AKR1C1: variants seen among roughly 807,000 people sequenced by gnomAD.
The protein encoded by AKR1C1 is aldo-keto reductase family 1 member C1.
Under a neutral mutation model 40.6 loss-of-function variants are expected in AKR1C1, and 32 were observed. That is an observed-to-expected ratio of 0.79 (90% CI 0.60 to 1.06). The LOEUF is 1.06. AKR1C1 is among the 50% of genes least tolerant of loss of function. The probability of loss-of-function intolerance (pLI) is 0.00; values close to 1 mark genes in which losing one functional copy is unlikely to be tolerated. For missense variants in AKR1C1, 320 were observed against 363.5 expected, an observed-to-expected ratio of 0.88 and a Z score of 0.97; for synonymous variants, 105 against 134.2, an observed-to-expected ratio of 0.78 and a Z score of 1.50.
chr10:4,982,107 GTGTGTATGTTATT>G lies in AKR1C1; in HGVS notation c.*4370_*4382del, dbSNP rs1242329807. The G allele has an allele frequency of 2.0e-5, 3 of 152,322 alleles. No homozygotes were observed. The highest frequency in any genetic ancestry group is 6.5e-5 in the Admixed American group (1 of 15,280). 9.4% of individuals were successfully genotyped at this position (152,322 alleles called of 1,614,324 possible). On this transcript the variant is annotated 3_prime_UTR_variant, in exon 9 of 9. Coordinates refer to ENST00000380872, the MANE Select transcript of AKR1C1 (RefSeq NM_001353.6). ...GGGCATGGAAAAATACTGAGGCAGT[GTGTGTATGTTATT>G]TGTGCTGAGAATGAAACTCCTTGAC...
chr10:4,965,785 T>C, intron 1 of AKR1C1, 129 bp from the exon 2 acceptor site: 2 of 1,104,814 alleles, frequency 1.8e-6, no homozygotes, highest in Non-Finnish European at 2.5e-6. Context: ...TGGGATGGGC[T>C]CATGATTCTA....
At position 4,982,042 on chromosome 10, in the gene AKR1C1, C is replaced by T. The variant is rs12360243; in HGVS notation, c.*4300C>T. On this transcript the variant is annotated 3_prime_UTR_variant, in exon 9 of 9. Transcript: ENST00000380872. ...GGTGAGGCTCACTGTGGGGGGCGCACGGCAAGCTATTCAACATTACGTACA... is the reference window on the plus strand; with the variant it reads ...GGTGAGGCTCACTGTGGGGGGCGCATGGCAAGCTATTCAACATTACGTACA... The T allele has an allele frequency of 0.16, 23,824 of 152,036 alleles. 2,394 individuals carry two copies. Among genetic ancestry groups the T allele is most frequent in the Non-Finnish European group, 0.23 (15,499 of 67,970 alleles). 9.4% of individuals were successfully genotyped at this position (152,036 alleles called of 1,614,324 possible). A position where few individuals can be genotyped will look rare whatever the true frequency, so the allele number is the denominator to read the frequency against.
rs189438709 is a variant in AKR1C1 at position 4,969,710 on chromosome 10, C to T, written c.570+766C>T. On this transcript the variant is annotated intron_variant, in intron 5 of 8. Transcript: ENST00000380872. ...ATTCCATCTTTTCCTTGAGTCCTGA[C>T]TGGTGATTCCAGGCCTCCTTGATCA... The T allele has an allele frequency of 5.6e-6, 9 of 1,612,214 alleles. No individual in the cohort carries two copies. The East Asian group carries it at 2.0e-4, about 36-fold the overall frequency.
rs1400780456 is a variant in AKR1C1, at chr10:4,982,704, A to C, written c.*4962A>C. 2 of 294,960 alleles carry C rather than the reference A, an allele frequency of 6.8e-6. No homozygotes were observed. The highest frequency in any genetic ancestry group is 1.3e-5 in the Non-Finnish European group (2 of 151,328). The allele number at this position is 294,960 out of a possible 1,614,324, so 18.3% of individuals were successfully genotyped here. On this transcript the variant is annotated 3_prime_UTR_variant, in exon 9 of 9. Transcript: ENST00000380872. ...AGAAACCACTTTCCCTGGGCAACTTAGGGCAAGCTCAAATCCCACTGCTAC... is the reference window on the plus strand; with the variant it reads ...AGAAACCACTTTCCCTGGGCAACTTCGGGCAAGCTCAAATCCCACTGCTAC...
At chr10:4,967,693 A>C (rs1430632032) in intron 3 of AKR1C1, 5 of 559,014 alleles carry the variant, frequency 8.9e-6, no homozygotes, top group Non-Finnish European at 1.1e-5. Context: ...AAAAACTCTA[A>C]AAATATATCC....
At chr10:4,967,861 A>G (rs1836356337) in intron 3 of AKR1C1, 1 of 212,120 alleles carries the variant, frequency 4.7e-6, no homozygotes, top group African/African-American at 2.4e-5. Context: ...AGCCTTGAAA[A>G]CACCTCCATT....
chr10:4,967,557 T>C, intron 3 of AKR1C1: 1 of 933,022 alleles, frequency 1.1e-6, no homozygotes, highest in Non-Finnish European at 1.3e-6. Flanking sequence ...TGCTTAGCCA[T>C]GAATTCTTGG....
chr10:4,977,172 C>T (rs1836538725), intron 8 of AKR1C1, among the ~76,000 whole-genome samples: 1 of 152,168 alleles, frequency 6.6e-6, no homozygotes. Flanking sequence ...TACATTGTAG[C>T]TCTTTGGATA....
chr10:4,963,555 A>G (rs2904798), intron 1 of AKR1C1, 27 bp downstream of exon 1: 112,723 of 1,588,008 alleles, frequency 0.071, 11,903 homozygotes, highest in East Asian at 0.53. Context: ...TAGTGTTGAG[A>G]GTTCAAAGGA....
At chr10:4,969,236 A>G (rs1216890506) in intron 5 of AKR1C1, among the ~76,000 whole-genome samples, 1 of 152,168 alleles carries the variant, frequency 6.6e-6, no homozygotes, top group Non-Finnish European at 1.5e-5. Context: ...ACTTACCCCT[A>G]AGCTATGAAA....
At position 4,982,864 on chromosome 10, in the gene AKR1C1, T is replaced by C; in HGVS notation, c.*5122T>C. ...AAAATGCCTGCATGAGCTCAGCTGT[T>C]ACCACTGCGTACCACACCCTGACCA... On this transcript the variant is annotated 3_prime_UTR_variant, in exon 9 of 9. Coordinates refer to ENST00000380872, the MANE Select transcript of AKR1C1 (RefSeq NM_001353.6). 7.2e-6 allele frequency: 3 copies of C among 415,482 alleles called. No individual in the cohort carries two copies. Among genetic ancestry groups the C allele is most frequent in the South Asian group, 5.3e-5 (3 of 56,580 alleles). The allele number at this position is 415,482 out of a possible 1,614,324, so 25.7% of individuals were successfully genotyped here.
Position 4,982,661 on chromosome 10 carries a change from C to G in AKR1C1, c.*4919C>G, listed in dbSNP as rs1836638889. 1 of 286,754 alleles carries G rather than the reference C, an allele frequency of 3.5e-6. No individual in the cohort carries two copies. The highest frequency in any genetic ancestry group is 3.2e-5 in the South Asian group (1 of 30,978). The allele number at this position is 286,754 out of a possible 1,614,324, so 17.8% of individuals were successfully genotyped here. On this transcript the variant is annotated 3_prime_UTR_variant, in exon 9 of 9. Transcript: ENST00000380872. ...TACACTTTTAGGAGCTTCATAGCCCCTCTTCCCCCATTGCCTGAGAAACCA... is the reference window on the plus strand; with the variant it reads ...TACACTTTTAGGAGCTTCATAGCCCGTCTTCCCCCATTGCCTGAGAAACCA...
rs537342478 is a variant in AKR1C1 at position 4,967,466 on chromosome 10, G to A, written c.369+423G>A. On this transcript the variant is annotated intron_variant, in intron 3 of 8. Coordinates refer to ENST00000380872, the MANE Select transcript of AKR1C1 (RefSeq NM_001353.6). Reference sequence around the variant, plus strand: ...TTTTTAAGGGGCGAGAACTCAGTCCGGGAGTGTCTTAAACTACAGACCTTC... The same window carrying A: ...TTTTTAAGGGGCGAGAACTCAGTCCAGGAGTGTCTTAAACTACAGACCTTC... The A allele has an allele frequency of 1.6e-4, 158 of 994,150 alleles. 1 individual carries two copies. The African/African-American group carries it at 2.4e-3, about 15-fold the overall frequency. The allele number at this position is 994,150 out of a possible 1,614,324, so 61.6% of individuals were successfully genotyped here.
intron 5 of AKR1C1, chr10:4,969,724 C>T: frequency 6.2e-7 from 1 of 1,611,984 alleles, no homozygotes; most frequent in Non-Finnish European, 8.5e-7. Flanking sequence ...TGATTCCAGG[C>T]CTCCTTGATC....
intron 4 of AKR1C1, among the ~76,000 whole-genome samples, 165 bp downstream of exon 4, chr10:4,968,551 C>T (rs934295422): frequency 6.6e-6 from 1 of 152,032 alleles, no homozygotes; most frequent in Admixed American, 6.6e-5. Flanking sequence ...GACAGGCATA[C>T]AAAAGAGAGA....
At chr10:4,970,681 A>T (rs369298244) in intron 5 of AKR1C1, among the ~76,000 whole-genome samples, 10 of 152,206 alleles carry the variant, frequency 6.6e-5, no homozygotes, top group African/African-American at 2.4e-4. Flanking sequence ...GAAACTGGAA[A>T]TCATCATTGT....
intron 3 of AKR1C1, chr10:4,967,251 C>A: frequency 9.8e-7 from 1 of 1,019,430 alleles, no homozygotes; most frequent in East Asian, 3.5e-5. Context: ...AAAGAAAGTG[C>A]AGAACTCTCA....
At chr10:4,977,640 C>T (rs1413875203) in intron 8 of AKR1C1, 60 bp from the exon 9 acceptor site, 4 of 1,610,802 alleles carry the variant, frequency 2.5e-6, no homozygotes, top group Admixed American at 1.7e-5. Context: ...AATCACTGCA[C>T]TACCCGCTAG....
In AKR1C1 at chr10:4,963,418, C is replaced by T; in HGVS notation, c.-27C>T. ...AGCCTGTGAGGGAGGAAGAAAGAAA[C>T]ATTTGCCAGCCAGGCTAGTGACAGA... On this transcript the variant is annotated 5_prime_UTR_variant, in exon 1 of 9. Transcript: ENST00000380872. The T allele has an allele frequency of 6.2e-7, 1 of 1,613,358 alleles. No homozygotes were observed. The highest frequency in any genetic ancestry group is 8.5e-7 in the Non-Finnish European group (1 of 1,179,300).
Sources: allele counts gnomAD v4.1 joint callset (sites outside exome capture counted in the v4.1 genomes callset), GRCh38; gene constraint gnomAD v4.1.1; transcripts MANE v1.5; gene names NCBI Gene and HGNC (gene_info 2026-07-23, HGNC 2026-07-21).